The following BAHCC1 variants were observed in gnomAD, a reference collection of about 807,000 sequenced individuals.
BAHCC1 encodes BAH and coiled-coil domain-containing protein 1.
A neutral mutation model predicts 88.2 loss-of-function variants in BAHCC1; 43 were observed. The ratio of observed to expected loss-of-function variants is 0.49; its 90% confidence interval spans 0.38 to 0.63. The LOEUF is 0.63. Ranked by LOEUF, BAHCC1 falls within the 20% of genes least tolerant of loss-of-function variation. The pLI, the probability that BAHCC1 is intolerant of heterozygous loss-of-function variation, is 0.00. For missense variants in BAHCC1, 3,023 were observed against 1,654.8 expected, an observed-to-expected ratio of 1.83 and a Z score of -14.34; for synonymous variants, 1,510 against 745.5, an observed-to-expected ratio of 2.03 and a Z score of -16.71.
chr17:81,447,521 G>A lies in BAHCC1; in HGVS notation c.3649G>A (p.Gly1217Arg), dbSNP rs1201640496. The change falls in exon 11 of 28, where the codon GGG (glycine) becomes AGG (arginine). Residue 1217 changes from glycine (G) to arginine (R), a missense_variant. Physicochemically the swap from Gly to Arg is moderately radical, Grantham distance 125. Transcript: ENST00000675386. ...GAGTCCGGGTGCCCTTGAGGACGAGGGGGAGCAGCCGGCCCCTGAGGAGGA... is the reference window on the plus strand; with the variant it reads ...GAGTCCGGGTGCCCTTGAGGACGAGAGGGAGCAGCCGGCCCCTGAGGAGGA... ...AGSPGALEDE[G>R]EQPAPEEDEL... 7 of 752,210 alleles carry A rather than the reference G, an allele frequency of 9.3e-6. No individual in the cohort carries two copies. The highest frequency in any genetic ancestry group is 3.4e-5 in the African/African-American group (2 of 58,706). 46.6% of individuals were successfully genotyped at this position (752,210 alleles called of 1,614,324 possible).
intron 2 of BAHCC1, chr17:81,400,803 A>G (rs1173384098): frequency 1.3e-5 from 2 of 154,472 alleles, no homozygotes; most frequent in African/African-American, 4.8e-5. Flanking sequence ...CCTCCAGGGC[A>G]GCCCTCTTCC....
chr17:81,421,724 C>T (rs1381209803), intron 2 of BAHCC1, among the ~76,000 whole-genome samples: 4 of 152,226 alleles, frequency 2.6e-5, no homozygotes, highest in Admixed American at 1.3e-4. Flanking sequence ...TGCCTGGTCC[C>T]GTCTCCGAGG....
At chr17:81,463,001 C>A in intron 27 of BAHCC1, 25 bp downstream of exon 27, 1 of 773,252 alleles carries the variant, frequency 1.3e-6, no homozygotes, top group South Asian at 1.3e-5. Context: ...GGTGTGGGGC[C>A]CAGCCCCCCT....
chr17:81,461,346 TG>T lies in BAHCC1; in HGVS notation c.6688del (p.Asp2230ThrfsTer191). 1.4e-6 allele frequency: 1 copy of T among 732,900 alleles called. No individual in the cohort carries two copies. The allele number at this position is 732,900 out of a possible 1,614,324, so 45.4% of individuals were successfully genotyped here. A position where few individuals can be genotyped will look rare whatever the true frequency, so the allele number is the denominator to read the frequency against. On this transcript the variant is annotated frameshift_variant, in exon 26 of 28. Transcript: ENST00000675386. The stretch of plus-strand genomic sequence containing the variant: ...AACAAGACCTGCAAGGCGTTGCTCA[TG>T]GGGGACAAGGACTTCAGCCCCAAGC... ...PKNKTCKALL[M>X]GDKDFSPKLG...
chr17:81,448,373 G>A (rs1391156784), intron 11 of BAHCC1, among the ~76,000 whole-genome samples: 1 of 152,158 alleles, frequency 6.6e-6, no homozygotes, highest in Non-Finnish European at 1.5e-5. Flanking sequence ...CCCACCCAGG[G>A]GCCCCAAGGA....
In BAHCC1 at chr17:81,447,321, C is replaced by A; in HGVS notation, c.3449C>A (p.Pro1150Gln). ...CAGGGGAAGGCAGCGGACCCCAGCC[C>A]ACTAGAGGGGCTACAAGAACTGCAA... ...GPQGKAADPS[P>Q]LEGLQELQCA... The change falls in exon 11 of 28, where the codon CCA (proline) becomes CAA (glutamine). Residue 1150 changes from proline to glutamine, a missense_variant. Transcript: ENST00000675386. The A allele has an allele frequency of 1.3e-6, 1 of 745,444 alleles. No individual in the cohort carries two copies. The highest frequency in any genetic ancestry group is 2.5e-6 in the Non-Finnish European group (1 of 402,380). The allele number at this position is 745,444 out of a possible 1,614,324, so 46.2% of individuals were successfully genotyped here. A position where few individuals can be genotyped will look rare whatever the true frequency, so the allele number is the denominator to read the frequency against.
rs1465916181 is a variant in BAHCC1 at position 81,443,678 on chromosome 17, A to T, written c.2215+114A>T. 4 of 636,450 alleles carry T rather than the reference A, an allele frequency of 6.3e-6. No individual in the cohort carries two copies. The African/African-American group carries it at 7.2e-5, about 11-fold the overall frequency. 39.4% of individuals were successfully genotyped at this position (636,450 alleles called of 1,614,324 possible). A position where few individuals can be genotyped will look rare whatever the true frequency, so the allele number is the denominator to read the frequency against. ...ACACCTGCCCTTGGCAGACCCTCCG[A>T]GGCCCCAGGACCAGGGGATCCTCCT... On this transcript the variant is annotated intron_variant, in intron 5 of 27. Coordinates refer to ENST00000675386, the MANE Select transcript of BAHCC1 (RefSeq NM_001377448.1).
At chr17:81,430,261 T>C (rs2064245513) in intron 3 of BAHCC1, among the ~76,000 whole-genome samples, 1 of 151,694 alleles carries the variant, frequency 6.6e-6, no homozygotes, top group Non-Finnish European at 1.5e-5. Context: ...ACAGGGCCAA[T>C]GAAAGAGGAT....
At chr17:81,427,836 G>A (rs1310996245) in intron 3 of BAHCC1, among the ~76,000 whole-genome samples, 5 of 152,320 alleles carry the variant, frequency 3.3e-5, no homozygotes, top group East Asian at 1.9e-4. Context: ...ACTGCTGAGC[G>A]GCGGGCGTCG....
At position 81,445,163 on chromosome 17, in the gene BAHCC1, G is replaced by A. The variant is rs1555653970; in HGVS notation, c.2820G>A (p.Arg940=). The A allele has an allele frequency of 2.6e-6, 2 of 770,764 alleles. No homozygotes were observed. Among genetic ancestry groups the A allele is most frequent in the Admixed American group, 1.7e-5 (1 of 58,072 alleles). 47.7% of individuals were successfully genotyped at this position (770,764 alleles called of 1,614,324 possible). ...AGCTCTATGCTTTGCAGCAGCAGAG[G>A]GCCGCCCAGTTCCAGGTACCGCCCC... The part of the protein sequence containing the change: ...QQELYALQQQ[R]AAQFQRKPED... The change falls in exon 9 of 28, where the codon AGG becomes AGA. Residue 940 remains arginine (R), a synonymous_variant. Coordinates refer to ENST00000675386, the MANE Select transcript of BAHCC1 (RefSeq NM_001377448.1).
rs375643879 is a variant in BAHCC1 at position 81,459,481 on chromosome 17, C to T, written c.5797-15C>T. 86 of 778,722 alleles carry T rather than the reference C, an allele frequency of 1.1e-4. No individual in the cohort carries two copies. The African/African-American group carries it at 1.3e-3, about 12-fold the overall frequency. 48.2% of individuals were successfully genotyped at this position (778,722 alleles called of 1,614,324 possible). A position where few individuals can be genotyped will look rare whatever the true frequency, so the allele number is the denominator to read the frequency against. On this transcript the variant is annotated splice_polypyrimidine_tract_variant and intron_variant, in intron 22 of 27. Transcript: ENST00000675386. ...GGCCCCACCTGCTCATGGGTCGTCG[C>T]CCGCGTTCCTGCAGGTTCTCGATGT...
intron 11 of BAHCC1, among the ~76,000 whole-genome samples, chr17:81,450,027 T>G (rs1369594459): frequency 6.6e-6 from 1 of 152,112 alleles, no homozygotes; most frequent in African/African-American, 2.4e-5. Flanking sequence ...TCTCCCGCAC[T>G]CCTGCTTCTG....
At chr17:81,396,552 C>T (rs1555644941) in intron 1 of BAHCC1, 1 of 152,240 alleles carries the variant, frequency 6.6e-6, no homozygotes, top group East Asian at 1.9e-4. Flanking sequence ...GCGCCTGGTC[C>T]CAGCCCGGCC....
chr17:81,430,282 G>T (rs1403711692), intron 3 of BAHCC1, among the ~76,000 whole-genome samples: 1 of 152,178 alleles, frequency 6.6e-6, no homozygotes, highest in African/African-American at 2.4e-5. Flanking sequence ...TCTGTTCCTG[G>T]GGGGCTCAGC....
At position 81,442,467 on chromosome 17, in the gene BAHCC1, C is replaced by G; in HGVS notation, c.1118C>G (p.Pro373Arg). The G allele has an allele frequency of 1.4e-6, 1 of 718,368 alleles. No individual in the cohort carries two copies. Among genetic ancestry groups the G allele is most frequent in the East Asian group, 2.6e-5 (1 of 37,982 alleles). 44.5% of individuals were successfully genotyped at this position (718,368 alleles called of 1,614,324 possible). A position where few individuals can be genotyped will look rare whatever the true frequency, so the allele number is the denominator to read the frequency against. Residue 373 changes from proline to arginine, a missense_variant, in exon 5 of 28, where the codon CCT becomes CGT. Coordinates refer to ENST00000675386, the MANE Select transcript of BAHCC1 (RefSeq NM_001377448.1). ...CCCTGCCTGCAGCTGCACGGGGGCC[C>G]TGACGGGCTCTGCCCGCTGCAGGAC... is the stretch of plus-strand genomic sequence containing the variant. ...SFPCLQLHGG[P>R]DGLCPLQDKA...
At chr17:81,459,414 CTCCCAGGCCCAGGGA>C (rs2030046604) in intron 22 of BAHCC1, 67 bp from the exon 23 acceptor site, 1 of 762,608 alleles carries the variant, frequency 1.3e-6, no homozygotes, top group Non-Finnish European at 2.5e-6. Context: ...GCCGCAGCCA[CTCCCAGGCCCAGGGA>C]CCAGACTCTC....
At position 81,399,759 on chromosome 17, in the gene BAHCC1, C is replaced by T. The variant is rs1555645672; in HGVS notation, c.20C>T (p.Ala7Val). The change falls in exon 2 of 28, where the codon GCG becomes GTG. Residue 7 changes from alanine to valine, a missense_variant. Transcript: ENST00000675386. This position sits in a 1 kb window ranked among gnomAD's most constrained non-coding sequence, Gnocchi z 4.5. MDGRDF[A>V]PPPHLLSERG... is the part of the protein sequence containing the mutation. ...CCCGGCATGGATGGCCGCGACTTTG[C>T]GCCGCCGCCGCATCTGCTGTCGGAG... 9 of 1,188,952 alleles carry T rather than the reference C, an allele frequency of 7.6e-6. No homozygotes were observed. Among genetic ancestry groups the T allele is most frequent in the Non-Finnish European group, 9.4e-6 (9 of 961,078 alleles). The allele number at this position is 1,188,952 out of a possible 1,614,324, so 73.7% of individuals were successfully genotyped here.
intron 16 of BAHCC1, among the ~76,000 whole-genome samples, chr17:81,457,039 G>A (rs1259853465): frequency 6.6e-6 from 1 of 152,152 alleles, no homozygotes; most frequent in Non-Finnish European, 1.5e-5. Context: ...GGTCTCAGAT[G>A]CCTGAGAAAG....
In BAHCC1 at chr17:81,443,233, C is replaced by T. The variant is rs782221659; in HGVS notation, c.1884C>T (p.Asp628=). ...CCCAGGAACTGCCTGCGCCGCCGGA[C>T]GAGGTCTCAGCCATGAAGAACCTGC... ...LLPQELPAPP[D]EVSAMKNLLK... Residue 628 remains aspartate (D), a synonymous_variant, in exon 5 of 28, where the codon GAC becomes GAT. Transcript: ENST00000675386. 1.3e-5 allele frequency: 10 copies of T among 779,344 alleles called. No individual in the cohort carries two copies. Among genetic ancestry groups the T allele is most frequent in the Admixed American group, 6.8e-5 (4 of 59,018 alleles). 48.3% of individuals were successfully genotyped at this position (779,344 alleles called of 1,614,324 possible).
Sources: allele counts gnomAD v4.1 joint callset (sites outside exome capture counted in the v4.1 genomes callset), GRCh38; gene constraint gnomAD v4.1.1; non-coding constraint Gnocchi (gnomAD v3.1); transcripts MANE v1.5; gene names NCBI Gene and HGNC (gene_info 2026-07-23, HGNC 2026-07-21).